Variants in GRM7 observed in about 807,000 individuals in gnomAD.
The protein encoded by GRM7 is metabotropic glutamate receptor 7.
GRM7 carries 35 observed loss-of-function variants against 84.5 expected under a neutral mutation model. The observed-to-expected ratio is 0.41, with a 90% confidence interval of 0.32 to 0.55. The LOEUF (loss-of-function observed/expected upper bound fraction) is 0.55, where lower values mean the gene tolerates loss of function less well. Ranked by LOEUF, GRM7 falls within the 20% of genes least tolerant of loss-of-function variation. The probability of loss-of-function intolerance (pLI) is 0.19; values close to 1 mark genes in which losing one functional copy is unlikely to be tolerated. For synonymous variants in GRM7, 487 were observed against 455.1 expected (o/e 1.07, Z -0.89); for missense variants, 1,003 against 1,194.6 (o/e 0.84, Z 2.36).
chr3:6,972,192 T>C (rs1469286048), intron 1 of GRM7, among the ~76,000 whole-genome samples: 2 of 152,170 alleles, frequency 1.3e-5, no homozygotes, highest in Non-Finnish European at 2.9e-5. Flanking sequence ...TCTCACTTCA[T>C]TGACGTCAGA....
chr3:7,200,393 C>G (rs1177033108), intron 2 of GRM7, among the ~76,000 whole-genome samples: 3 of 152,178 alleles, frequency 2.0e-5, no homozygotes, highest in Non-Finnish European at 4.4e-5. Flanking sequence ...GTTTCAAAAA[C>G]TCTGCCCTAC....
intron 4 of GRM7, among the ~76,000 whole-genome samples, chr3:7,413,351 A>G (rs553791605): frequency 3.5e-4 from 54 of 152,306 alleles, no homozygotes; most frequent in African/African-American, 1.2e-3. Flanking sequence ...CTCGTGGACA[A>G]TTTTATTCCT....
intron 1 of GRM7, among the ~76,000 whole-genome samples, chr3:6,904,882 G>A (rs1696512762): frequency 6.6e-6 from 1 of 151,848 alleles, no homozygotes; most frequent in Non-Finnish European, 1.5e-5. Flanking sequence ...CACCCTCCTT[G>A]GATAATTTGT....
Position 7,432,978 on chromosome 3 carries a change from T to C in GRM7, c.1174+17815T>C, listed in dbSNP as rs1203795275. 2.0e-5 allele frequency among the ~76,000 whole-genome samples: 3 copies of C among 151,994 alleles called. No homozygotes were observed. In the East Asian group the frequency reaches 5.8e-4, roughly 29 times the overall value. ...TAAACAGATAATGACTGAAGAATTT[T>C]CACAACTGAAGAAAGACAATAATCC... On this transcript the variant is annotated intron_variant, in intron 5 of 9. Coordinates refer to ENST00000357716, the MANE Select transcript of GRM7 (RefSeq NM_000844.4).
chr3:7,640,449 C>T (rs972479987), intron 8 of GRM7, among the ~76,000 whole-genome samples: 2 of 152,194 alleles, frequency 1.3e-5, no homozygotes, highest in Non-Finnish European at 2.9e-5. Context: ...GAATTGGCTA[C>T]CATGCTCTGA....
intron 2 of GRM7, among the ~76,000 whole-genome samples, chr3:7,246,870 A>G (rs1251605354): frequency 6.6e-6 from 1 of 152,176 alleles, no homozygotes; most frequent in Non-Finnish European, 1.5e-5. Context: ...AATATTGAAA[A>G]GGACAAACAT....
At chr3:6,952,795 T>A (rs1209407252) in intron 1 of GRM7, among the ~76,000 whole-genome samples, 1 of 152,218 alleles carries the variant, frequency 6.6e-6, no homozygotes, top group Non-Finnish European at 1.5e-5. Context: ...GAATAGGGAA[T>A]ACAAAAGGAT....
intron 1 of GRM7, among the ~76,000 whole-genome samples, chr3:7,115,442 G>T (rs1692998534): frequency 6.6e-6 from 1 of 152,092 alleles, no homozygotes; most frequent in Non-Finnish European, 1.5e-5. Flanking sequence ...TTCCTGTGTT[G>T]CTGTGAGTGC....
chr3:7,317,942 G>A (rs1034702871), intron 4 of GRM7, among the ~76,000 whole-genome samples: 1 of 151,858 alleles, frequency 6.6e-6, no homozygotes, highest in African/African-American at 2.4e-5. Flanking sequence ...TTCATGTAGA[G>A]GATAAACAAC....
intron 2 of GRM7, among the ~76,000 whole-genome samples, chr3:7,183,584 G>A (rs971816398): frequency 1.3e-5 from 2 of 151,942 alleles, no homozygotes; most frequent in African/African-American, 2.4e-5. Context: ...CCAAGATCAC[G>A]CCACTGCACT....
At chr3:6,909,597 A>C (rs1247737341) in intron 1 of GRM7, among the ~76,000 whole-genome samples, 1 of 152,102 alleles carries the variant, frequency 6.6e-6, no homozygotes, top group African/African-American at 2.4e-5. Flanking sequence ...GAAATTAACT[A>C]AAAGTACTGA....
chr3:6,958,936 G>A (rs763038118), intron 1 of GRM7, among the ~76,000 whole-genome samples: 2 of 152,104 alleles, frequency 1.3e-5, no homozygotes, highest in Non-Finnish European at 1.5e-5. Flanking sequence ...TGAAAAGATT[G>A]AAAAACATAA....
rs1457109252 is a variant in GRM7 at position 7,720,149 on chromosome 3, G to A, written c.2699-20208G>A. Among the ~76,000 whole-genome samples the A allele has an allele frequency of 3.9e-5, 6 of 152,240 alleles. 1 individual carries two copies. The highest frequency in any genetic ancestry group is 2.1e-4 in the South Asian group (1 of 4,820). ...TTTAAAGGCAAGAAACCTGAAACTT[G>A]ACAATCTCTCACAAGATCACAGCAA... On this transcript the variant is annotated intron_variant, in intron 9 of 9. Transcript: ENST00000357716.
chr3:7,250,713 G>A (rs1419281020), intron 2 of GRM7, among the ~76,000 whole-genome samples: 2 of 151,950 alleles, frequency 1.3e-5, no homozygotes, highest in Admixed American at 6.6e-5. Context: ...TAGTAGAGAC[G>A]GGGCTTTGCC....
intron 4 of GRM7, among the ~76,000 whole-genome samples, chr3:7,345,297 CAG>C (rs1396956093): frequency 6.8e-6 from 1 of 148,116 alleles, no homozygotes; most frequent in Non-Finnish European, 1.5e-5. Context: ...TTCTTTGAGA[CAG>C]AGTCTCACTC....
At chr3:7,438,848 G>A (rs150459200) in intron 5 of GRM7, among the ~76,000 whole-genome samples, 122 of 152,180 alleles carry the variant, frequency 8.0e-4, no homozygotes, top group Middle Eastern at 3.4e-3. Context: ...ATACAGCACA[G>A]GAGCTGCCAC....
chr3:7,561,733 T>G (rs908400101), intron 7 of GRM7, among the ~76,000 whole-genome samples: 1 of 152,184 alleles, frequency 6.6e-6, no homozygotes, highest in African/African-American at 2.4e-5. Flanking sequence ...TATGCATGTT[T>G]GGTTTAGAAG....
intron 5 of GRM7, among the ~76,000 whole-genome samples, chr3:7,427,661 G>A (rs1249359130): frequency 6.6e-6 from 1 of 152,160 alleles, no homozygotes; most frequent in Non-Finnish European, 1.5e-5. Flanking sequence ...ACTTTGCACA[G>A]ATGATAGTGA....
chr3:7,109,228 G>A (rs1317651897), intron 1 of GRM7, among the ~76,000 whole-genome samples: 1 of 152,076 alleles, frequency 6.6e-6, no homozygotes, highest in African/African-American at 2.4e-5. Context: ...CAGATGAAAG[G>A]TTGAATTCAA....
Sources: gnomAD v4.1 joint callset for allele counts (sites outside exome capture counted in the v4.1 genomes callset) on GRCh38, gnomAD v4.1.1 for gene constraint, MANE v1.5 for transcripts, NCBI Gene and HGNC (gene_info 2026-07-23, HGNC 2026-07-21) for gene names.